The following CTNNA3 variants were observed in gnomAD, a reference collection of about 807,000 sequenced individuals.
CTNNA3 encodes catenin alpha-3.
CTNNA3 carries 76 observed loss-of-function variants against 95.7 expected under a neutral mutation model. The ratio of observed to expected loss-of-function variants is 0.79; its 90% CI spans 0.66 to 0.96. The LOEUF (loss-of-function observed/expected upper bound fraction) is 0.96, where lower values mean the gene tolerates loss of function less well. CTNNA3 is among the 40% of genes least tolerant of loss of function. CTNNA3 has a pLI of 0.00. For missense variants in CTNNA3, 1,191 were observed against 1,089.8 expected, an observed-to-expected ratio of 1.09 and a Z score of -1.31; for synonymous variants, 431 against 374.4, an observed-to-expected ratio of 1.15 and a Z score of -1.74.
At chr10:65,938,400 A>G (rs1210676718) in intron 17 of CTNNA3, among the ~76,000 whole-genome samples, 1 of 151,890 alleles carries the variant, frequency 6.6e-6, no homozygotes, top group Admixed American at 6.6e-5. Flanking sequence ...CTTCTGTCAG[A>G]AAGATGACAA....
At chr10:66,628,941 G>A (rs1845036446) in intron 9 of CTNNA3, among the ~76,000 whole-genome samples, 1 of 152,072 alleles carries the variant, frequency 6.6e-6, no homozygotes, top group Non-Finnish European at 1.5e-5. Context: ...ATGGTAATTA[G>A]ATATGATTAT....
intron 2 of CTNNA3, among the ~76,000 whole-genome samples, chr10:67,614,222 T>C (rs1347936194): frequency 6.6e-6 from 1 of 152,148 alleles, no homozygotes; most frequent in Non-Finnish European, 1.5e-5. Flanking sequence ...AGAGCACTGA[T>C]TGGTGCATTT....
At chr10:66,913,450 G>A (rs572205962) in intron 7 of CTNNA3, among the ~76,000 whole-genome samples, 1 of 152,148 alleles carries the variant, frequency 6.6e-6, no homozygotes, top group South Asian at 2.1e-4. Flanking sequence ...CATCTGCCAT[G>A]CCTGAAATCT....
chr10:66,100,415 G>T (rs1432196534), intron 14 of CTNNA3, among the ~76,000 whole-genome samples: 3 of 152,132 alleles, frequency 2.0e-5, no homozygotes, highest in African/African-American at 7.2e-5. Flanking sequence ...CCAATTATTT[G>T]GGATTTATGC....
chr10:66,168,268 A>C (rs2085241859), intron 13 of CTNNA3, among the ~76,000 whole-genome samples: 1 of 152,198 alleles, frequency 6.6e-6, no homozygotes, highest in Non-Finnish European at 1.5e-5. Context: ...AAAGATAATG[A>C]GAGCCACAGC....
At chr10:66,615,471 G>A (rs1322663696) in intron 10 of CTNNA3, among the ~76,000 whole-genome samples, 1 of 151,776 alleles carries the variant, frequency 6.6e-6, no homozygotes, top group Non-Finnish European at 1.5e-5. Flanking sequence ...AGGAGACACA[G>A]GAAGGAGAAG....
intron 17 of CTNNA3, among the ~76,000 whole-genome samples, chr10:65,925,150 T>G (rs2077147430): frequency 6.6e-6 from 1 of 152,202 alleles, no homozygotes; most frequent in Admixed American, 6.5e-5. Flanking sequence ...ATCTGTGTGT[T>G]TTTAGCTAAT....
intron 9 of CTNNA3, among the ~76,000 whole-genome samples, chr10:66,745,433 C>CTAT (rs905248049): frequency 6.6e-6 from 1 of 152,114 alleles, no homozygotes; most frequent in African/African-American, 2.4e-5. Context: ...ATCTAAAGGA[C>CTAT]TAAAGTTTCT....
At chr10:66,028,459 G>A (rs1487298404) in intron 15 of CTNNA3, among the ~76,000 whole-genome samples, 1 of 152,034 alleles carries the variant, frequency 6.6e-6, no homozygotes, top group Non-Finnish European at 1.5e-5. Context: ...CATAGATGAA[G>A]CTGGAAACCA....
chr10:66,877,314 C>A (rs755728530), intron 7 of CTNNA3, among the ~76,000 whole-genome samples: 2 of 152,028 alleles, frequency 1.3e-5, no homozygotes, highest in Non-Finnish European at 2.9e-5. Flanking sequence ...CAGGGTATGG[C>A]GAGGGTTTAA....
intron 5 of CTNNA3, among the ~76,000 whole-genome samples, chr10:67,467,787 T>C (rs540753201): frequency 2.0e-5 from 3 of 152,166 alleles, no homozygotes; most frequent in South Asian, 2.1e-4. Context: ...CATGGCTCAC[T>C]GCAGCCTCGA....
intron 7 of CTNNA3, among the ~76,000 whole-genome samples, chr10:66,795,435 T>C (rs969750462): frequency 4.6e-5 from 7 of 152,118 alleles, no homozygotes; most frequent in African/African-American, 1.4e-4. Flanking sequence ...CAGGTGTCAA[T>C]AGTGAGCTTA....
chr10:66,664,109 T>G (rs979438929), intron 9 of CTNNA3, among the ~76,000 whole-genome samples: 2 of 152,130 alleles, frequency 1.3e-5, no homozygotes, highest in African/African-American at 4.8e-5. Context: ...ATATTAATTT[T>G]TTATCATATA....
Position 65,966,599 on chromosome 10 carries a change from A to G in CTNNA3, c.2400+13T>C, listed in dbSNP as rs752475700. 1.2e-6 allele frequency: 2 copies of G among 1,611,670 alleles called. No homozygotes were observed. Among genetic ancestry groups the G allele is most frequent in the South Asian group, 1.1e-5 (1 of 90,758 alleles). The stretch of plus-strand genomic sequence containing the variant: ...TTCCACCTGTGATCATGTAAGTGCT[A>G]GGCAGTACTCACAGCTGACATGATG... On this transcript the variant is annotated intron_variant, in intron 17 of 17. Transcript: ENST00000433211.
Position 66,456,701 on chromosome 10 carries a change from AAAC to A in CTNNA3, c.1531+63913_1531+63915del, listed in dbSNP as rs1295626896. Among the ~76,000 whole-genome samples the A allele has an allele frequency of 3.4e-4, 52 of 151,850 alleles. No individual in the cohort carries two copies. The East Asian group carries it at 4.5e-3, about 13-fold the overall frequency. On this transcript the variant is annotated intron_variant, in intron 11 of 17. Coordinates refer to ENST00000433211, the MANE Select transcript of CTNNA3 (RefSeq NM_013266.4). The stretch of plus-strand genomic sequence containing the variant: ...AAAAAACAAACAAAAAACACAAACA[AAAC>A]AACAACAACAACAACCTGACCTAAA...
intron 9 of CTNNA3, among the ~76,000 whole-genome samples, chr10:66,750,671 T>C (rs1307133488): frequency 2.0e-5 from 3 of 152,212 alleles, no homozygotes; most frequent in Non-Finnish European, 2.9e-5. Context: ...TGTACTTCTC[T>C]TTCAATATTG....
intron 13 of CTNNA3, among the ~76,000 whole-genome samples, chr10:66,201,408 G>A (rs529992065): frequency 6.6e-6 from 1 of 152,092 alleles, no homozygotes; most frequent in Non-Finnish European, 1.5e-5. Flanking sequence ...TGTAAATTTC[G>A]ACATCTAATT....
At chr10:66,307,834 A>G (rs2091954076) in intron 12 of CTNNA3, among the ~76,000 whole-genome samples, 1 of 152,206 alleles carries the variant, frequency 6.6e-6, no homozygotes, top group Non-Finnish European at 1.5e-5. Flanking sequence ...TTTCTTAAAT[A>G]AGGTTTACTA....
intron 16 of CTNNA3, 119 bp from the exon 17 acceptor site, chr10:65,966,865 C>T: frequency 1.5e-6 from 1 of 665,848 alleles, no homozygotes; most frequent in Admixed American, 2.9e-5. Context: ...TATTTTCATA[C>T]AGGACCAAGT....
Sources: gnomAD v4.1 joint callset for allele counts (sites outside exome capture counted in the v4.1 genomes callset) on GRCh38, gnomAD v4.1.1 for gene constraint, MANE v1.5 for transcripts, NCBI Gene and HGNC (gene_info 2026-07-23, HGNC 2026-07-21) for gene names.